CADPS: variants seen among roughly 807,000 people sequenced by gnomAD.
The protein encoded by CADPS is calcium-dependent secretion activator 1.
CADPS carries 57 observed loss-of-function variants against 167.3 expected under a neutral mutation model. That is an observed-to-expected ratio of 0.34 (90% CI 0.28 to 0.42). CADPS has a LOEUF of 0.42. Ranked by LOEUF, CADPS falls within the 20% of genes least tolerant of loss-of-function variation. The probability of loss-of-function intolerance (pLI) is 1.00; values close to 1 mark genes in which losing one functional copy is unlikely to be tolerated. For missense variants in CADPS, 1,414 were observed against 1,738.1 expected, an observed-to-expected ratio of 0.81 and a Z score of 3.32; for synonymous variants, 676 against 635.3, an observed-to-expected ratio of 1.06 and a Z score of -0.96.
intron 6 of CADPS, among the ~76,000 whole-genome samples, chr3:62,615,468 C>G (rs765283855): frequency 6.6e-6 from 1 of 152,148 alleles, no homozygotes. Context: ...AGTGCTTTTA[C>G]ATGGATAATC....
At position 62,432,526 on chromosome 3, in the gene CADPS, A is replaced by T. The variant is rs1341371764; in HGVS notation, c.3777+5578T>A. Among the ~76,000 whole-genome samples, 5 of 152,204 alleles carry T rather than the reference A, an allele frequency of 3.3e-5. No individual in the cohort carries two copies. In the East Asian group the frequency reaches 9.6e-4, roughly 29 times the overall value. ...GTCTTAAAGTGATGGGGAGACTCAT[A>T]GCACCTTAACATGAATATGAAACTT... On this transcript the variant is annotated intron_variant, in intron 28 of 29. Coordinates refer to ENST00000383710, the MANE Select transcript of CADPS (RefSeq NM_003716.4).
At chr3:62,774,798 C>G (rs1047511700) in intron 1 of CADPS, among the ~76,000 whole-genome samples, 5 of 152,084 alleles carry the variant, frequency 3.3e-5, no homozygotes, top group Non-Finnish European at 7.4e-5. Flanking sequence ...AGAATCTGGC[C>G]TCCTACAGAT....
At chr3:62,547,148 G>C (rs2076575107) in intron 11 of CADPS, among the ~76,000 whole-genome samples, 2 of 152,300 alleles carry the variant, frequency 1.3e-5, no homozygotes, top group East Asian at 3.9e-4. Flanking sequence ...ACTAGCAATA[G>C]ATAGAATTTG....
intron 4 of CADPS, among the ~76,000 whole-genome samples, chr3:62,658,368 G>A (rs933121710): frequency 2.0e-5 from 3 of 152,110 alleles, no homozygotes; most frequent in Non-Finnish European, 4.4e-5. Context: ...GTAAAAGCCT[G>A]AGTAAAGGGC....
chr3:62,875,043 G>T lies in CADPS; in HGVS notation c.-14C>A. ...AGGGTCCAGCATAGTGGCGCCTGGG[G>T]AGCGGGGTCTCTGGAGCCCCCGGCT... On this transcript the variant is annotated 5_prime_UTR_variant, in exon 1 of 30. Transcript: ENST00000383710. The T allele has an allele frequency of 8.2e-6, 13 of 1,577,228 alleles. No homozygotes were observed. The highest frequency in any genetic ancestry group is 1.1e-5 in the Non-Finnish European group (13 of 1,161,620).
intron 28 of CADPS, among the ~76,000 whole-genome samples, chr3:62,423,009 A>T (rs1248772267): frequency 3.3e-5 from 5 of 152,234 alleles, no homozygotes; most frequent in Non-Finnish European, 5.9e-5. Context: ...TTCTTATGGG[A>T]TAAAAGATCT....
At chr3:62,745,642 C>A (rs1054618959) in intron 3 of CADPS, among the ~76,000 whole-genome samples, 3 of 152,154 alleles carry the variant, frequency 2.0e-5, no homozygotes, top group African/African-American at 7.2e-5. Flanking sequence ...ACAGGAGTAC[C>A]AGCAGATGAA....
At chr3:62,524,855 C>T (rs1045957734) in intron 13 of CADPS, among the ~76,000 whole-genome samples, 3 of 152,080 alleles carry the variant, frequency 2.0e-5, no homozygotes, top group Non-Finnish European at 4.4e-5. Flanking sequence ...CCAAGAGGAC[C>T]AATTTTAAAA....
chr3:62,846,152 C>A (rs2077397257), intron 1 of CADPS, among the ~76,000 whole-genome samples: 2 of 152,106 alleles, frequency 1.3e-5, no homozygotes, highest in Admixed American at 1.3e-4. Flanking sequence ...TTCCTGCAGC[C>A]TCCCCAGCCT....
chr3:62,608,230 A>G (rs558610073), intron 6 of CADPS, among the ~76,000 whole-genome samples: 2 of 151,948 alleles, frequency 1.3e-5, no homozygotes, highest in East Asian at 1.9e-4. Flanking sequence ...ACATACTAAA[A>G]ACTATCTTTG....
Position 62,753,717 on chromosome 3 carries a change from G to A in CADPS, c.612C>T (p.Ala204=). ...ARMVQSGGCS[A]NDSREVFKKH... ...TCTTGAAGACCTCCCGGGAGTCGTT[G>A]GCGGAACAGCCTCCACTCTGAACCA... Residue 204 remains alanine, a synonymous_variant, in exon 3 of 30, where the codon GCC becomes GCT. Transcript: ENST00000383710. This position sits in a 1 kb window ranked among gnomAD's most constrained non-coding sequence, Gnocchi z 4.6. 1 of 1,614,150 alleles carries A rather than the reference G, an allele frequency of 6.2e-7. No individual in the cohort carries two copies. Among genetic ancestry groups the A allele is most frequent in the South Asian group, 1.1e-5 (1 of 91,072 alleles).
At chr3:62,605,166 G>T (rs899876711) in intron 6 of CADPS, among the ~76,000 whole-genome samples, 1 of 152,060 alleles carries the variant, frequency 6.6e-6, no homozygotes, top group Non-Finnish European at 1.5e-5. Context: ...ACAGGCTTGG[G>T]CCAGGGGAAT....
At chr3:62,694,136 C>A (rs2079806571) in intron 3 of CADPS, among the ~76,000 whole-genome samples, 1 of 152,056 alleles carries the variant, frequency 6.6e-6, no homozygotes, top group African/African-American at 2.4e-5. Context: ...CGAAGGCTGG[C>A]CTAGCTAAGG....
intron 24 of CADPS, among the ~76,000 whole-genome samples, chr3:62,466,851 G>A (rs1421084423): frequency 1.3e-5 from 2 of 152,164 alleles, no homozygotes; most frequent in Non-Finnish European, 2.9e-5. Context: ...TGAAGACACT[G>A]TGACTAATTT....
At chr3:62,498,755 C>T (rs984296955) in intron 18 of CADPS, among the ~76,000 whole-genome samples, 3 of 150,592 alleles carry the variant, frequency 2.0e-5, no homozygotes, top group African/African-American at 7.3e-5. Context: ...AGTAAGTTAC[C>T]GAGATAAATT....
intron 2 of CADPS, among the ~76,000 whole-genome samples, chr3:62,755,689 T>G (rs2083732730): frequency 6.6e-6 from 1 of 152,156 alleles, no homozygotes; most frequent in Non-Finnish European, 1.5e-5. Context: ...CCTCACAGGG[T>G]AGAGGCCATG....
intron 9 of CADPS, among the ~76,000 whole-genome samples, chr3:62,570,623 T>C (rs1478856155): frequency 6.6e-6 from 1 of 152,212 alleles, no homozygotes; most frequent in Non-Finnish European, 1.5e-5. Context: ...TAAAAAATTA[T>C]GAGTATTCAT....
At position 62,570,913 on chromosome 3, in the gene CADPS, C is replaced by T. The variant is rs2152453903; in HGVS notation, c.1603G>A (p.Val535Ile). Residue 535 changes from valine to isoleucine, a missense_variant, in exon 9 of 30, where the codon GTC becomes ATC. Coordinates refer to ENST00000383710, the MANE Select transcript of CADPS (RefSeq NM_003716.4). ...AACCTTTTCTTCCATCTCTTCCAGA[C>T]ATTCTTACCGATGGCCCATAAATAC... is the stretch of plus-strand genomic sequence containing the variant. ...SGYLWAIGKNVWKRWKKRFFV... is the reference protein window; with the variant it reads ...SGYLWAIGKNIWKRWKKRFFV... 1 of 1,610,788 alleles carries T rather than the reference C, an allele frequency of 6.2e-7. No individual in the cohort carries two copies. Among genetic ancestry groups the T allele is most frequent in the East Asian group, 2.2e-5 (1 of 44,860 alleles).
At position 62,791,140 on chromosome 3, in the gene CADPS, A is replaced by G. The variant is rs78217882; in HGVS notation, c.442-25156T>C. ...GTCCATTAAATGAGATATGAATGTA[A>G]CTGGGAATCTTAAAGCAGATTCTTT... On this transcript the variant is annotated intron_variant, in intron 1 of 29. Transcript: ENST00000383710. Among the ~76,000 whole-genome samples, 37 of 152,320 alleles carry G rather than the reference A, an allele frequency of 2.4e-4. No homozygotes were observed. In the East Asian group the frequency reaches 6.8e-3, roughly 28 times the overall value.
Sources: allele counts gnomAD v4.1 joint callset (sites outside exome capture counted in the v4.1 genomes callset), GRCh38; gene constraint gnomAD v4.1.1; non-coding constraint Gnocchi (gnomAD v3.1); transcripts MANE v1.5; gene names NCBI Gene and HGNC (gene_info 2026-07-23, HGNC 2026-07-21).